SH2D4A: variants seen among roughly 807,000 people sequenced by gnomAD.
SH2D4A encodes SH2 domain-containing protein 4A.
A neutral mutation model predicts 64.7 loss-of-function variants in SH2D4A; 70 were observed. That is an observed-to-expected ratio of 1.08 (90% confidence interval 0.89 to 1.32). The LOEUF is 1.32. Ranked by LOEUF, SH2D4A falls within the 40% of genes most tolerant of loss-of-function variation. The pLI is 0.00. For missense variants in SH2D4A, 706 were observed against 540.1 expected, an observed-to-expected ratio of 1.31 and a Z score of -3.04; for synonymous variants, 268 against 200.7, an observed-to-expected ratio of 1.34 and a Z score of -2.83.
chr8:19,342,219 G>GT (rs1196124478), intron 4 of SH2D4A, among the ~76,000 whole-genome samples: 5 of 152,192 alleles, frequency 3.3e-5, no homozygotes, highest in Non-Finnish European at 7.3e-5. Flanking sequence ...TATCAGTAGT[G>GT]TTTTTTCAAC....
At chr8:19,380,467 T>C (rs1372198497) in intron 8 of SH2D4A, among the ~76,000 whole-genome samples, 1 of 152,216 alleles carries the variant, frequency 6.6e-6, no homozygotes, top group Non-Finnish European at 1.5e-5. Context: ...TTGTGAAGAT[T>C]TGGCCCTCTG....
In SH2D4A at chr8:19,358,373, C is replaced by T. The variant is rs574760764; in HGVS notation, c.594+1090C>T. 3.3e-5 allele frequency among the ~76,000 whole-genome samples: 5 copies of T among 152,158 alleles called. No homozygotes were observed. The South Asian group carries it at 8.3e-4, about 25-fold the overall frequency. ...GAGATGATAAACATATCTATGAGGA[C>T]AGGTAATCACTTATTAAGCACTGCA... is the stretch of plus-strand genomic sequence containing the variant. On this transcript the variant is annotated intron_variant, in intron 5 of 9. Transcript: ENST00000265807.
At chr8:19,330,477 T>C (rs1406082231) in intron 2 of SH2D4A, among the ~76,000 whole-genome samples, 1 of 152,192 alleles carries the variant, frequency 6.6e-6, no homozygotes, top group Non-Finnish European at 1.5e-5. Flanking sequence ...CACTGTGTTC[T>C]CTCTGTTACC....
At chr8:19,386,040 T>C (rs2053386061) in intron 8 of SH2D4A, among the ~76,000 whole-genome samples, 1 of 152,228 alleles carries the variant, frequency 6.6e-6, no homozygotes, top group Non-Finnish European at 1.5e-5. Context: ...TCACACATTT[T>C]ATGGCGTGGA....
chr8:19,334,566 G>C, intron 3 of SH2D4A, 120 bp from the exon 4 acceptor site: 1 of 1,057,542 alleles, frequency 9.5e-7, no homozygotes, highest in Non-Finnish European at 1.3e-6. Context: ...CATGTTAGAA[G>C]CACTCAGTAA....
chr8:19,381,551 T>A (rs368316416), intron 8 of SH2D4A, among the ~76,000 whole-genome samples: 2 of 152,124 alleles, frequency 1.3e-5, no homozygotes, highest in Middle Eastern at 3.2e-3. Flanking sequence ...GTTTTAACAG[T>A]TTTTTGTGGA....
At chr8:19,315,929 G>C (rs79903815) in intron 1 of SH2D4A, among the ~76,000 whole-genome samples, 1 of 152,154 alleles carries the variant, frequency 6.6e-6, no homozygotes, top group African/African-American at 2.4e-5. Context: ...ACCAGTCCTC[G>C]TTTCACAGAT....
intron 4 of SH2D4A, among the ~76,000 whole-genome samples, chr8:19,338,197 G>A (rs1017276817): frequency 1.3e-5 from 2 of 152,110 alleles, no homozygotes; most frequent in Non-Finnish European, 2.9e-5. Context: ...TATTAAAATG[G>A]AGAAGCAACC....
intron 1 of SH2D4A, among the ~76,000 whole-genome samples, chr8:19,317,303 ATT>A (rs761621347): frequency 0.011 from 1,092 of 97,394 alleles, 10 homozygotes; most frequent in East Asian, 0.047. Context: ...CAAGACATCC[ATT>A]TTTTTTTTTT....
At chr8:19,314,894 T>C (rs2052059750) in intron 1 of SH2D4A, among the ~76,000 whole-genome samples, 1 of 152,168 alleles carries the variant, frequency 6.6e-6, no homozygotes. Context: ...GCCCTTTTGC[T>C]GGTAGATGAA....
chr8:19,370,276 T>C (rs912435493), intron 7 of SH2D4A, among the ~76,000 whole-genome samples: 4 of 152,054 alleles, frequency 2.6e-5, no homozygotes, highest in African/African-American at 9.7e-5. Context: ...AGGTACATTC[T>C]AGAGTGTGGT....
intron 7 of SH2D4A, among the ~76,000 whole-genome samples, chr8:19,367,840 C>T (rs2053025242): frequency 6.6e-6 from 1 of 152,050 alleles, no homozygotes; most frequent in South Asian, 2.1e-4. Context: ...CTTTGGGAGG[C>T]TGGGGTGGGA....
intron 2 of SH2D4A, among the ~76,000 whole-genome samples, chr8:19,327,309 T>C (rs1006068828): frequency 3.3e-5 from 5 of 152,194 alleles, no homozygotes; most frequent in Non-Finnish European, 5.9e-5. Context: ...GCTCCCTCCT[T>C]CACTCACCTC....
intron 2 of SH2D4A, among the ~76,000 whole-genome samples, chr8:19,324,813 C>T (rs567639695): frequency 6.6e-6 from 1 of 152,240 alleles, no homozygotes; most frequent in Admixed American, 6.5e-5. Flanking sequence ...TATAATCTCA[C>T]AATGTTCATA....
chr8:19,364,254 T>C lies in SH2D4A; in HGVS notation c.889T>C (p.Ser297Pro), dbSNP rs2153648752. 3 of 1,614,108 alleles carry C rather than the reference T, an allele frequency of 1.9e-6. No individual in the cohort carries two copies. The South Asian group carries it at 3.3e-5, about 18-fold the overall frequency. ...TCCACCCAAGCCTCAGTTCCTAAACTCAGGGGCATATCCTCAAAAACCTCT... is the reference window on the plus strand; with the variant it reads ...TCCACCCAAGCCTCAGTTCCTAAACCCAGGGGCATATCCTCAAAAACCTCT... ...PLPPKPQFLN[S>P]GAYPQKPLRN... is the part of the protein sequence containing the mutation. Residue 297 changes from serine to proline, a missense_variant, in exon 7 of 10, where the codon TCA becomes CCA. Ser to Pro is a moderately conservative substitution (Grantham distance 74). Coordinates refer to ENST00000265807, the MANE Select transcript of SH2D4A (RefSeq NM_022071.4).
chr8:19,364,584 C>T (rs1024479986), intron 7 of SH2D4A, among the ~76,000 whole-genome samples: 2 of 151,902 alleles, frequency 1.3e-5, no homozygotes, highest in African/African-American at 2.4e-5. Context: ...TTCCCTCCCC[C>T]GCCCCCCTCC....
chr8:19,368,581 ATT>A (rs1166891409), intron 7 of SH2D4A, among the ~76,000 whole-genome samples: 1 of 131,546 alleles, frequency 7.6e-6, no homozygotes, highest in East Asian at 2.4e-4. Context: ...ATTCCTAGTT[ATT>A]TTATTTTATT....
intron 2 of SH2D4A, among the ~76,000 whole-genome samples, chr8:19,324,991 G>T (rs1407142768): frequency 1.3e-5 from 2 of 152,138 alleles, no homozygotes. Flanking sequence ...TCACCCGAGT[G>T]TTGGTTGCCT....
chr8:19,388,671 G>A (rs1350627918), intron 8 of SH2D4A, among the ~76,000 whole-genome samples: 1 of 152,134 alleles, frequency 6.6e-6, no homozygotes, highest in African/African-American at 2.4e-5. Flanking sequence ...TAGACCTCGT[G>A]GCACTTCAAA....
Sources: gnomAD v4.1 joint callset for allele counts (sites outside exome capture counted in the v4.1 genomes callset) on GRCh38, gnomAD v4.1.1 for gene constraint, MANE v1.5 for transcripts, NCBI Gene and HGNC (gene_info 2026-07-23, HGNC 2026-07-21) for gene names.